Variants in OSBP2 observed in about 807,000 individuals in gnomAD.
OSBP2 encodes the protein oxysterol binding protein 2, also known as oxysterol-binding protein 2.
Under a neutral mutation model 96.0 loss-of-function variants are expected in OSBP2, and 66 were observed. The observed-to-expected ratio is 0.69, with a 90% CI of 0.56 to 0.84. The LOEUF (loss-of-function observed/expected upper bound fraction) is 0.84, where lower values mean the gene tolerates loss of function less well. Ranked by LOEUF, OSBP2 falls within the 40% of genes least tolerant of loss-of-function variation. The pLI is 0.00. For missense variants in OSBP2, 1,038 were observed against 1,222.7 expected (o/e 0.85, Z 2.25); for synonymous variants, 525 against 520.9 (o/e 1.01, Z -0.11).
At chr22:30,822,000 C>A (rs188788913) in intron 2 of OSBP2, among the ~76,000 whole-genome samples, 6 of 152,236 alleles carry the variant, frequency 3.9e-5, no homozygotes, top group Non-Finnish European at 1.5e-5. Flanking sequence ...AGGCCTGTGG[C>A]AGCAGAACTA....
intron 1 of OSBP2, among the ~76,000 whole-genome samples, chr22:30,733,803 G>A (rs2089814458): frequency 1.3e-5 from 2 of 152,128 alleles, no homozygotes; most frequent in African/African-American, 2.4e-5. Flanking sequence ...GGGTCATTGC[G>A]AGTATTATTT....
intron 2 of OSBP2, among the ~76,000 whole-genome samples, chr22:30,792,759 A>T (rs2145828553): frequency 6.6e-6 from 1 of 152,334 alleles, no homozygotes; most frequent in East Asian, 1.9e-4. Flanking sequence ...CCCTATGAAA[A>T]GCACAAGCCT....
chr22:30,772,689 C>T (rs534768258), intron 2 of OSBP2, among the ~76,000 whole-genome samples: 1 of 152,346 alleles, frequency 6.6e-6, no homozygotes, highest in South Asian at 2.1e-4. Flanking sequence ...GAGTAATGTC[C>T]TCTGCCTCTC....
chr22:30,897,164 GAT>G (rs2040084716), intron 12 of OSBP2, among the ~76,000 whole-genome samples: 1 of 152,136 alleles, frequency 6.6e-6, no homozygotes, highest in Non-Finnish European at 1.5e-5. Context: ...TAATCAAAAA[GAT>G]ATAATAGTTT....
In OSBP2 at chr22:30,813,477, A is replaced by G. The variant is rs180687313; in HGVS notation, c.854-56952A>G. Among the ~76,000 whole-genome samples, 22 of 151,992 alleles carry G rather than the reference A, an allele frequency of 1.4e-4. No individual in the cohort carries two copies. In the South Asian group the frequency reaches 1.5e-3, roughly 10 times the overall value. On this transcript the variant is annotated intron_variant, in intron 2 of 13. Transcript: ENST00000332585. ...GCGTGAGCCACTGCGCCCAGCCACAATGTTGCATTCTTGACCCTTCTGTAG... is the reference window on the plus strand; with the variant it reads ...GCGTGAGCCACTGCGCCCAGCCACAGTGTTGCATTCTTGACCCTTCTGTAG...
Position 30,694,930 on chromosome 22 carries a change from G to C in OSBP2, c.21G>C (p.Pro7=), listed in dbSNP as rs750888559. 6.7e-7 allele frequency: 1 copy of C among 1,492,680 alleles called. No individual in the cohort carries two copies. The highest frequency in any genetic ancestry group is 2.7e-5 in the East Asian group (1 of 36,608). The allele number at this position is 1,492,680 out of a possible 1,614,324, so 92.5% of individuals were successfully genotyped here. A position where few individuals can be genotyped will look rare whatever the true frequency, so the allele number is the denominator to read the frequency against. The part of the protein sequence containing the change: MGKAAA[P]SRGGGCGGRS... ...GCTCTATGGGGAAAGCGGCGGCTCC[G>C]AGCCGAGGCGGCGGCTGTGGCGGCC... Residue 7 remains proline, a synonymous_variant, in exon 1 of 14, where the codon CCG becomes CCC. Coordinates refer to ENST00000332585, the MANE Select transcript of OSBP2 (RefSeq NM_030758.4).
chr22:30,804,422 C>T (rs1017670492), intron 2 of OSBP2, among the ~76,000 whole-genome samples: 3 of 152,166 alleles, frequency 2.0e-5, no homozygotes, highest in Non-Finnish European at 2.9e-5. Flanking sequence ...CTCTGGTGGG[C>T]AGCTTCCTTG....
chr22:30,868,726 C>G (rs936069427), intron 2 of OSBP2, among the ~76,000 whole-genome samples: 2 of 152,174 alleles, frequency 1.3e-5, no homozygotes, highest in Admixed American at 1.3e-4. Context: ...CAGAGGGGGA[C>G]AGGGTATGCC....
chr22:30,769,005 C>T (rs1355489543), intron 2 of OSBP2, among the ~76,000 whole-genome samples: 2 of 152,206 alleles, frequency 1.3e-5, no homozygotes, highest in East Asian at 1.9e-4. Context: ...AGGACTGTGA[C>T]GTTTCCCTGG....
intron 3 of OSBP2, among the ~76,000 whole-genome samples, chr22:30,873,289 C>G (rs2039498150): frequency 6.6e-6 from 1 of 152,134 alleles, no homozygotes; most frequent in South Asian, 2.1e-4. Context: ...GTTGCAGAGG[C>G]CCCCTCCTGC....
intron 2 of OSBP2, among the ~76,000 whole-genome samples, chr22:30,772,208 C>T (rs2090355868): frequency 6.6e-6 from 1 of 152,178 alleles, no homozygotes; most frequent in Non-Finnish European, 1.5e-5. Context: ...CGTGGGTGAG[C>T]TCTGGTTTTA....
intron 2 of OSBP2, 84 bp downstream of exon 2, chr22:30,741,453 A>G (rs1324663685): frequency 3.4e-6 from 4 of 1,188,988 alleles, no homozygotes; most frequent in Non-Finnish European, 4.7e-6. Context: ...ACTGGTGGGC[A>G]GTGGTGGCCA....
At chr22:30,854,846 G>A (rs1370687359) in intron 2 of OSBP2, among the ~76,000 whole-genome samples, 1 of 152,178 alleles carries the variant, frequency 6.6e-6, no homozygotes, top group Non-Finnish European at 1.5e-5. Context: ...AAGGAAAGAG[G>A]TTTAGTTGAC....
At chr22:30,763,961 G>A (rs1033375189) in intron 2 of OSBP2, among the ~76,000 whole-genome samples, 11 of 152,154 alleles carry the variant, frequency 7.2e-5, no homozygotes, top group Non-Finnish European at 1.2e-4. Flanking sequence ...TGGCTTGTTC[G>A]CTTTCTTTTC....
chr22:30,778,335 C>CACACACA (rs1569119589), intron 2 of OSBP2, among the ~76,000 whole-genome samples: 46 of 100,670 alleles, frequency 4.6e-4, no homozygotes, highest in African/African-American at 1.6e-3. Flanking sequence ...ACACACACAC[C>CACACACA]CACTGACAGC....
rs148124644 is a variant in OSBP2, at chr22:30,823,221, T to G, written c.854-47208T>G. ...CTCCCTCCCCGTCCCGTGGTGATCC[T>G]GAATGACTGCCCTGGCCTGTGCAGG... On this transcript the variant is annotated intron_variant, in intron 2 of 13. Transcript: ENST00000332585. 6.5e-3 allele frequency among the ~76,000 whole-genome samples: 995 copies of G among 152,332 alleles called. 11 individuals are homozygous for G. Among genetic ancestry groups the G allele is most frequent in the African/African-American group, 0.023 (949 of 41,568 alleles).
At chr22:30,802,639 C>G (rs1468403298) in intron 2 of OSBP2, among the ~76,000 whole-genome samples, 3 of 152,244 alleles carry the variant, frequency 2.0e-5, no homozygotes, top group Non-Finnish European at 4.4e-5. Flanking sequence ...GAGAGCTCGC[C>G]TTTATCTAGC....
intron 2 of OSBP2, among the ~76,000 whole-genome samples, chr22:30,774,254 C>A (rs1204385582): frequency 6.6e-6 from 1 of 152,246 alleles, no homozygotes; most frequent in African/African-American, 2.4e-5. Flanking sequence ...CCAGCCCTAG[C>A]CTACCTGACA....
intron 2 of OSBP2, among the ~76,000 whole-genome samples, chr22:30,865,631 C>CAAAAAAAAAAA (rs398040482): frequency 3.5e-4 from 21 of 59,888 alleles, no homozygotes; most frequent in Non-Finnish European, 5.8e-4. Context: ...GACTCCATCT[C>CAAAAAAAAAAA]AAAAAAAAAA....
Sources: allele counts gnomAD v4.1 joint callset (sites outside exome capture counted in the v4.1 genomes callset), GRCh38; gene constraint gnomAD v4.1.1; transcripts MANE v1.5; gene names NCBI Gene and HGNC (gene_info 2026-07-23, HGNC 2026-07-21).